CNTN5: variants seen among roughly 807,000 people sequenced by gnomAD.
The protein encoded by CNTN5 is contactin-5.
A neutral mutation model predicts 129.1 loss-of-function variants in CNTN5; 77 were observed. That is an observed-to-expected ratio of 0.60 (90% CI 0.50 to 0.72). The LOEUF is 0.72. Among genes scored for constraint, CNTN5 ranks in the 30% least tolerant of loss-of-function variants. The probability of loss-of-function intolerance (pLI) is 0.00; values close to 1 mark genes in which losing one functional copy is unlikely to be tolerated. For synonymous variants in CNTN5, 509 were observed against 465.6 expected (o/e 1.09, Z -1.20); for missense variants, 1,478 against 1,328.8 (o/e 1.11, Z -1.75).
At chr11:99,697,233 T>C (rs537818264) in intron 3 of CNTN5, among the ~76,000 whole-genome samples, 91 of 151,846 alleles carry the variant, frequency 6.0e-4, no homozygotes, top group African/African-American at 2.1e-3. Flanking sequence ...ACAACATAAC[T>C]CTTCTGTGTG....
rs538052841 is a variant in CNTN5 at position 99,489,776 on chromosome 11, C to A, written c.-70-66369C>A. 7.9e-5 allele frequency among the ~76,000 whole-genome samples: 12 copies of A among 152,088 alleles called. No individual in the cohort carries two copies. In the South Asian group the frequency reaches 1.0e-3, roughly 13 times the overall value. ...TACAGATGTTATCATATTCCTACTGCAGACCTCTTGCAGGGAGAATGTGGG... is the reference window on the plus strand; with the variant it reads ...TACAGATGTTATCATATTCCTACTGAAGACCTCTTGCAGGGAGAATGTGGG... On this transcript the variant is annotated intron_variant, in intron 2 of 24. Transcript: ENST00000524871.
At chr11:99,866,365 TTTATTAA>T (rs1175646699) in intron 6 of CNTN5, among the ~76,000 whole-genome samples, 8 of 152,222 alleles carry the variant, frequency 5.3e-5, no homozygotes, top group Non-Finnish European at 8.8e-5. Context: ...AAGCTTTTCT[TTTATTAA>T]TTACTTACCT....
intron 2 of CNTN5, among the ~76,000 whole-genome samples, chr11:99,377,255 A>G (rs1940240474): frequency 6.6e-6 from 1 of 152,012 alleles, no homozygotes; most frequent in African/African-American, 2.4e-5. Context: ...TTCTAATAGT[A>G]TTATAGTATC....
chr11:100,031,075 A>G (rs1263278623), intron 9 of CNTN5, among the ~76,000 whole-genome samples: 1 of 152,178 alleles, frequency 6.6e-6, no homozygotes, highest in Non-Finnish European at 1.5e-5. Flanking sequence ...CTTTACTTAA[A>G]ACTCTAGCAG....
intron 3 of CNTN5, among the ~76,000 whole-genome samples, chr11:99,669,440 TG>T (rs1952938584): frequency 1.0e-5 from 1 of 100,438 alleles, no homozygotes; most frequent in African/African-American, 4.0e-5. Flanking sequence ...CTATTAAATA[TG>T]GTGTGTGTGT....
At chr11:99,489,354 G>GT (rs1945944784) in intron 2 of CNTN5, among the ~76,000 whole-genome samples, 1 of 152,162 alleles carries the variant, frequency 6.6e-6, no homozygotes, top group Non-Finnish European at 1.5e-5. Context: ...ATATAAGCAT[G>GT]TAAACATGAC....
At chr11:99,060,541 A>G (rs1456357125) in intron 1 of CNTN5, among the ~76,000 whole-genome samples, 1 of 152,038 alleles carries the variant, frequency 6.6e-6, no homozygotes, top group Non-Finnish European at 1.5e-5. Flanking sequence ...TACTAAGATG[A>G]TGTGGAAATA....
chr11:99,203,163 C>T (rs11600587), intron 1 of CNTN5, among the ~76,000 whole-genome samples: 95,825 of 151,930 alleles, frequency 0.63, 30,778 homozygotes, highest in East Asian at 0.95. Flanking sequence ...AACTCTTACC[C>T]TAAATATTAT....
intron 9 of CNTN5, among the ~76,000 whole-genome samples, chr11:100,032,371 C>T (rs11222444): frequency 0.042 from 6,330 of 151,980 alleles, 444 homozygotes; most frequent in African/African-American, 0.14. Context: ...CAATTTCAAT[C>T]CTATTCTTCA....
intron 13 of CNTN5, among the ~76,000 whole-genome samples, chr11:100,163,473 C>A (rs959915520): frequency 6.6e-6 from 1 of 151,706 alleles, no homozygotes; most frequent in Non-Finnish European, 1.5e-5. Context: ...GAAAATATTT[C>A]TTGAAGGAAT....
chr11:100,256,692 T>C (rs1039759362), intron 17 of CNTN5, among the ~76,000 whole-genome samples: 5 of 152,082 alleles, frequency 3.3e-5, no homozygotes, highest in African/African-American at 7.2e-5. Flanking sequence ...CCAGGAAGCA[T>C]AGGGGGTCGG....
chr11:99,239,472 A>G (rs73532968), intron 1 of CNTN5, among the ~76,000 whole-genome samples: 2,598 of 152,260 alleles, frequency 0.017, 87 homozygotes, highest in African/African-American at 0.06. Flanking sequence ...CTGTTTTTCC[A>G]TATGAATTGC....
chr11:99,929,186 A>G (rs1200639664), intron 7 of CNTN5, among the ~76,000 whole-genome samples: 3 of 152,178 alleles, frequency 2.0e-5, no homozygotes, highest in Admixed American at 2.0e-4. Flanking sequence ...CATTGTCCAT[A>G]TCACTGTCAG....
intron 1 of CNTN5, among the ~76,000 whole-genome samples, chr11:99,294,174 C>G (rs976336586): frequency 5.3e-5 from 8 of 151,986 alleles, no homozygotes; most frequent in African/African-American, 1.7e-4. Flanking sequence ...ATTGGTTGTA[C>G]AGGAGCATGT....
chr11:99,212,266 T>C lies in CNTN5; in HGVS notation c.-209-113080T>C, dbSNP rs573883683. Among the ~76,000 whole-genome samples, 4 of 152,304 alleles carry C rather than the reference T, an allele frequency of 2.6e-5. No homozygotes were observed. The South Asian group carries it at 8.3e-4, about 32-fold the overall frequency. On this transcript the variant is annotated intron_variant, in intron 1 of 24. Coordinates refer to ENST00000524871, the MANE Select transcript of CNTN5 (RefSeq NM_014361.4). ...CAGAGTGCCTATGATTTCACCGGGA[T>C]GCTTCTTCTCCATCCTAAGCTATAC...
At chr11:99,749,881 C>T (rs118093764) in intron 3 of CNTN5, among the ~76,000 whole-genome samples, 67 of 152,276 alleles carry the variant, frequency 4.4e-4, no homozygotes, top group Non-Finnish European at 8.4e-4. Context: ...GCTTTGGCCA[C>T]GGGGATATGA....
At position 99,843,862 on chromosome 11, in the gene CNTN5, AAAG is replaced by A. The variant is rs146911218; in HGVS notation, c.278-989_278-987del. ...CATGATCAATGAAAATTAAGCAAAAAAAGCTTTACTTTTTCACAAATTCACAAT... is the reference window on the plus strand; with the variant it reads ...CATGATCAATGAAAATTAAGCAAAAACTTTACTTTTTCACAAATTCACAAT... On this transcript the variant is annotated intron_variant, in intron 4 of 24. Transcript: ENST00000524871. 4.6e-3 allele frequency among the ~76,000 whole-genome samples: 698 copies of A among 152,284 alleles called. 5 individuals are homozygous for A. Among genetic ancestry groups the A allele is most frequent in the South Asian group, 0.029 (142 of 4,826 alleles).
chr11:99,156,063 C>T (rs933818052), intron 1 of CNTN5, among the ~76,000 whole-genome samples: 1 of 151,926 alleles, frequency 6.6e-6, no homozygotes, highest in Non-Finnish European at 1.5e-5. Flanking sequence ...AACCCCAAAA[C>T]AATGCCTAGA....
At chr11:99,942,481 C>A (rs1052924159) in intron 7 of CNTN5, among the ~76,000 whole-genome samples, 1 of 151,922 alleles carries the variant, frequency 6.6e-6, no homozygotes, top group African/African-American at 2.4e-5. Context: ...GATGTATCTA[C>A]AAAATTTCAG....
Sources: allele counts gnomAD v4.1 joint callset (sites outside exome capture counted in the v4.1 genomes callset), GRCh38; gene constraint gnomAD v4.1.1; transcripts MANE v1.5; gene names NCBI Gene and HGNC (gene_info 2026-07-23, HGNC 2026-07-21).